Variants in ULK4 observed in about 807,000 individuals in gnomAD.
The protein encoded by ULK4 is inactive serine/threonine-protein kinase ULK4.
ULK4 carries 133 observed loss-of-function variants against 160.6 expected under a neutral mutation model. That is an observed-to-expected ratio of 0.83 (90% CI 0.72 to 0.96). The LOEUF is 0.96. ULK4 is among the 40% of genes least tolerant of loss of function. ULK4 has a pLI of 0.00. For synonymous variants in ULK4, 534 were observed against 539.8 expected (o/e 0.99, Z 0.15); for missense variants, 1,580 against 1,499.5 (o/e 1.05, Z -0.89).
rs945601833 is a variant in ULK4 at position 41,455,924 on chromosome 3, T to G, written c.3394-329A>C. On this transcript the variant is annotated intron_variant, in intron 33 of 36. Transcript: ENST00000301831. ...AGGAAGCGCTTAATCTTTTTTTTCT[T>G]TTTGAGTTGGAGTCTCCCTCTGTCA... is the stretch of plus-strand genomic sequence containing the variant. 2.2e-4 allele frequency among the ~76,000 whole-genome samples: 34 copies of G among 152,142 alleles called. 2 individuals carry two copies.
chr3:41,700,040 T>G (rs1219281127), intron 27 of ULK4, among the ~76,000 whole-genome samples: 12 of 152,214 alleles, frequency 7.9e-5, no homozygotes. Flanking sequence ...AGTCATATCT[T>G]ATTTGATGAC....
At chr3:41,253,252 A>G (rs1575355718) in intron 35 of ULK4, among the ~76,000 whole-genome samples, 2 of 152,230 alleles carry the variant, frequency 1.3e-5, no homozygotes. Context: ...ATATAACAGG[A>G]TATTATCTTT....
intron 2 of ULK4, among the ~76,000 whole-genome samples, chr3:41,953,686 C>T (rs1269569572): frequency 6.6e-6 from 1 of 152,104 alleles, no homozygotes. Context: ...CAGTAAATTG[C>T]AGAGGTTGGG....
Position 41,493,572 on chromosome 3 carries a change from T to C in ULK4, c.3227-30319A>G, listed in dbSNP as rs1206785416. Among the ~76,000 whole-genome samples the C allele has an allele frequency of 7.4e-5, 9 of 121,408 alleles. 1 individual carries two copies. Among genetic ancestry groups the C allele is most frequent in the Admixed American group, 7.3e-4 (9 of 12,378 alleles). 79.6% of individuals were successfully genotyped at this position (121,408 alleles called of 152,430 possible). A position where few individuals can be genotyped will look rare whatever the true frequency, so the allele number is the denominator to read the frequency against. ...AAGCTACCAGAAGGCAAGAAATAACTAAAATCAGAGCAGAACTGAAGCAAA... is the reference window on the plus strand; with the variant it reads ...AAGCTACCAGAAGGCAAGAAATAACCAAAATCAGAGCAGAACTGAAGCAAA... On this transcript the variant is annotated intron_variant, in intron 32 of 36. Coordinates refer to ENST00000301831, the MANE Select transcript of ULK4 (RefSeq NM_017886.4).
chr3:41,320,959 T>G (rs140214481), intron 35 of ULK4, among the ~76,000 whole-genome samples: 16 of 151,950 alleles, frequency 1.1e-4, no homozygotes, highest in African/African-American at 3.6e-4. Context: ...GGTAGGCTGC[T>G]CTGGAACAAG....
chr3:41,699,061 AG>A (rs1277537288), intron 27 of ULK4, among the ~76,000 whole-genome samples: 1 of 152,178 alleles, frequency 6.6e-6, no homozygotes, highest in Non-Finnish European at 1.5e-5. Context: ...GATGGTTTCC[AG>A]TTTGGAGCTA....
At chr3:41,941,886 G>A (rs570591292) in intron 2 of ULK4, among the ~76,000 whole-genome samples, 4 of 152,076 alleles carry the variant, frequency 2.6e-5, no homozygotes, top group Non-Finnish European at 4.4e-5. Context: ...GGGAGGTCCT[G>A]ATGAAAAATA....
chr3:41,404,883 T>C (rs2082262104), intron 34 of ULK4, among the ~76,000 whole-genome samples: 1 of 152,188 alleles, frequency 6.6e-6, no homozygotes, highest in Non-Finnish European at 1.5e-5. Context: ...GTCAATACAT[T>C]TCTGTTCATT....
chr3:41,473,037 T>C (rs1198637506), intron 32 of ULK4, among the ~76,000 whole-genome samples: 1 of 152,154 alleles, frequency 6.6e-6, no homozygotes, highest in African/African-American at 2.4e-5. Context: ...TAGAAATAAT[T>C]TGACAAAATT....
intron 19 of ULK4, among the ~76,000 whole-genome samples, chr3:41,813,787 C>A (rs1170690037): frequency 6.6e-6 from 1 of 152,184 alleles, no homozygotes; most frequent in East Asian, 1.9e-4. Context: ...ATTCCCCTTG[C>A]CTTTCATGCA....
At chr3:41,713,667 T>C (rs1213744402) in intron 25 of ULK4, among the ~76,000 whole-genome samples, 5 of 152,220 alleles carry the variant, frequency 3.3e-5, no homozygotes, top group African/African-American at 1.2e-4. Context: ...ACCAGCCAAG[T>C]TATTTTCCAT....
chr3:41,375,470 A>C (rs761630448), intron 35 of ULK4, among the ~76,000 whole-genome samples: 5 of 150,116 alleles, frequency 3.3e-5, no homozygotes, highest in Admixed American at 6.6e-5. Context: ...CGCAGAAATA[A>C]CACCATGTGT....
intron 32 of ULK4, among the ~76,000 whole-genome samples, chr3:41,551,440 C>T (rs191843246): frequency 1.2e-3 from 185 of 151,670 alleles, no homozygotes; most frequent in African/African-American, 4.1e-3. Context: ...AAAAAGGAAA[C>T]ATTACTGCTG....
intron 20 of ULK4, among the ~76,000 whole-genome samples, chr3:41,794,741 C>A (rs1421696095): frequency 4.8e-5 from 7 of 144,494 alleles, no homozygotes; most frequent in African/African-American, 1.8e-4. Context: ...AATAAAGCTG[C>A]ATTCATTAGA....
chr3:41,322,760 T>C lies in ULK4; in HGVS notation c.3679-73186A>G, dbSNP rs2080269179. Among the ~76,000 whole-genome samples, 9 of 152,334 alleles carry C rather than the reference T, an allele frequency of 5.9e-5. No homozygotes were observed. The South Asian group carries it at 1.9e-3, about 32-fold the overall frequency. ...CAAACATATTAAACTGTATCCAATA[T>C]TTTTACTTCGCTCAAACAAAACCAG... On this transcript the variant is annotated intron_variant, in intron 35 of 36. Coordinates refer to ENST00000301831, the MANE Select transcript of ULK4 (RefSeq NM_017886.4).
intron 35 of ULK4, among the ~76,000 whole-genome samples, chr3:41,372,962 A>G (rs1039382039): frequency 6.6e-6 from 1 of 152,210 alleles, no homozygotes; most frequent in Non-Finnish European, 1.5e-5. Context: ...AAGCAAATAG[A>G]GAGCAAACAA....
At chr3:41,260,425 C>A (rs1421491889) in intron 35 of ULK4, among the ~76,000 whole-genome samples, 1 of 152,250 alleles carries the variant, frequency 6.6e-6, no homozygotes, top group African/African-American at 2.4e-5. Context: ...ATGCTCATCA[C>A]ACCTTCCATG....
At chr3:41,577,634 C>G (rs986928506) in intron 31 of ULK4, among the ~76,000 whole-genome samples, 1 of 152,002 alleles carries the variant, frequency 6.6e-6, no homozygotes, top group African/African-American at 2.4e-5. Flanking sequence ...TTCCCAACCT[C>G]TGGTAACCAA....
intron 35 of ULK4, among the ~76,000 whole-genome samples, chr3:41,335,900 C>T (rs1010152991): frequency 1.6e-4 from 24 of 152,304 alleles, no homozygotes; most frequent in African/African-American, 5.3e-4. Context: ...GCTCTACATT[C>T]TTTTAAAGAA....
Sources: allele counts gnomAD v4.1 joint callset (sites outside exome capture counted in the v4.1 genomes callset), GRCh38; gene constraint gnomAD v4.1.1; transcripts MANE v1.5; gene names NCBI Gene and HGNC (gene_info 2026-07-23, HGNC 2026-07-21).